RPL10: variants seen among roughly 807,000 people sequenced by gnomAD.
The protein encoded by RPL10 is ribosomal protein L10.
A neutral mutation model predicts 15.7 loss-of-function variants in RPL10; 1 was observed. The ratio of observed to expected loss-of-function variants is 0.06; its 90% CI spans 0.02 to 0.30. The LOEUF is 0.30. Ranked by LOEUF, RPL10 falls within the 10% of genes least tolerant of loss-of-function variation. The pLI, the probability that RPL10 is intolerant of heterozygous loss-of-function variation, is 1.00. For missense variants in RPL10, 54 were observed against 183.4 expected (o/e 0.29, Z 4.08); for synonymous variants, 59 against 64.0 (o/e 0.92, Z 0.37).
At chrX:154,398,462 C>T (rs905162863) in intron 1 of RPL10, 35 bp from the exon 2 acceptor site, 2 of 1,201,228 alleles carry the variant, frequency 1.7e-6, no homozygotes, top group Admixed American at 2.2e-5. Context: ...GGTCTGTTCT[C>T]GTCTTCCGTT....
chrX:154,398,964 G>A, intron 2 of RPL10: 1 of 365,141 alleles, frequency 2.7e-6, no homozygotes, highest in Non-Finnish European at 5.0e-6. Context: ...CTTGGAGGTG[G>A]ATTTAGTGCC....
chrX:154,400,033 C>T, intron 5 of RPL10, 92 bp downstream of exon 5: 5 of 1,091,532 alleles, frequency 4.6e-6, no homozygotes, highest in Non-Finnish European at 6.3e-6. Context: ...GCCCCAGTGA[C>T]TCAGCCACTA....
intron 2 of RPL10, among the ~76,000 whole-genome samples, 193 bp from the exon 3 acceptor site, chrX:154,399,145 C>G (rs926405120): frequency 8.9e-6 from 1 of 112,128 alleles, no homozygotes; most frequent in Non-Finnish European, 1.9e-5. Context: ...TGTTTCTAGT[C>G]TTGGGTGTTG....
rs1049971907 is a variant in RPL10, at chrX:154,399,267, C to T, written c.24-71C>T. 3.4e-5 allele frequency: 37 copies of T among 1,098,036 alleles called. No individual in the cohort carries two copies. In the African/African-American group the frequency reaches 4.2e-4, roughly 12 times the overall value. The allele number at this position is 1,098,036 out of a possible 1,213,427, so 90.5% of individuals were successfully genotyped here. A position where few individuals can be genotyped will look rare whatever the true frequency, so the allele number is the denominator to read the frequency against. On this transcript the variant is annotated intron_variant, in intron 2 of 6. Coordinates refer to ENST00000369817, the MANE Select transcript of RPL10 (RefSeq NM_006013.5). ...TTCCCGTCCCTCGTTTGGGTTGTTC[C>T]TTGAGGGGCAAAGTGCCTGTTGGGC...
At chrX:154,399,985 T>A in intron 5 of RPL10, 44 bp downstream of exon 5, 4 of 1,198,750 alleles carry the variant, frequency 3.3e-6, no homozygotes, top group Non-Finnish European at 4.5e-6. Flanking sequence ...AGTCTCTACA[T>A]TATTAGGCTT....
At chrX:154,400,677 C>T (rs1027057560) in intron 6 of RPL10, 25 bp from the exon 7 acceptor site, 1 of 1,211,320 alleles carries the variant, frequency 8.3e-7, no homozygotes, top group Non-Finnish European at 1.1e-6. Flanking sequence ...GGCCTCCTGA[C>T]TCAGTTCTTT....
chrX:154,398,705 A>G (rs1418132867), intron 2 of RPL10, 163 bp downstream of exon 2: 6 of 595,340 alleles, frequency 1.0e-5, no homozygotes, highest in East Asian at 3.4e-5. Context: ...TTAGTCTGCA[A>G]TATTACTGTC....
chrX:154,398,415 T>G, intron 1 of RPL10, 21 bp downstream of exon 1: 1 of 1,017,781 alleles, frequency 9.8e-7, no homozygotes, highest in South Asian at 1.9e-5. Context: ...GCAGTTGTCG[T>G]CTCTTGCGGT....
intron 2 of RPL10, among the ~76,000 whole-genome samples, chrX:154,399,118 C>T (rs1259990798): frequency 8.9e-6 from 1 of 112,351 alleles, no homozygotes; most frequent in Non-Finnish European, 1.9e-5. Context: ...GACAAAGTAA[C>T]GGAAGATGGT....
chrX:154,398,717 G>A, intron 2 of RPL10, 175 bp downstream of exon 2: 1 of 540,779 alleles, frequency 1.8e-6, no homozygotes, highest in Non-Finnish European at 3.1e-6. Flanking sequence ...ATTACTGTCT[G>A]TTCCTTCGTT....
Position 154,398,546 on chromosome X carries a change from A to C in RPL10, c.23+4A>C. 8.3e-7 allele frequency: 1 copy of C among 1,210,850 alleles called. No homozygotes were observed. Among genetic ancestry groups the C allele is most frequent in the Non-Finnish European group, 1.1e-6 (1 of 895,380 alleles). ...TGGGCCGCCGCCCCGCCCGTTGGTG[A>C]GTCTTGAATCCGTGTACTTTCACTG... On this transcript the variant is annotated splice_donor_region_variant and intron_variant, in intron 2 of 6. Transcript: ENST00000369817.
rs782282641 is a variant in RPL10 at position 154,400,941 on chromosome X, C to T, written c.*87C>T. ...TATGTCTTTGTATCTACATTCTTGA[C>T]GGGGAAGGAACTTCCTCTGGGAACC... On this transcript the variant is annotated 3_prime_UTR_variant, in exon 7 of 7. Coordinates refer to ENST00000369817, the MANE Select transcript of RPL10 (RefSeq NM_006013.5). 86 of 1,193,888 alleles carry T rather than the reference C, an allele frequency of 7.2e-5. No individual in the cohort carries two copies. The highest frequency in any genetic ancestry group is 9.1e-5 in the Non-Finnish European group (81 of 886,383).
chrX:154,398,970 G>A (rs1028528411), intron 2 of RPL10: 27 of 363,896 alleles, frequency 7.4e-5, no homozygotes, highest in African/African-American at 6.5e-4. Flanking sequence ...GGTGGATTTA[G>A]TGCCACGTGC....
rs1557185740 is a variant in RPL10 at position 154,400,444 on chromosome X, C to T, written c.330-20C>T. 2.5e-6 allele frequency: 3 copies of T among 1,197,401 alleles called. No individual in the cohort carries two copies. Among genetic ancestry groups the T allele is most frequent in the African/African-American group, 3.5e-5 (2 of 57,039 alleles). ...TCAGGTGGATGTTCATGTTTCTGAC[C>T]TTGCACTACCCCAATGTAGGCTCCA... On this transcript the variant is annotated intron_variant, in intron 5 of 6. Coordinates refer to ENST00000369817, the MANE Select transcript of RPL10 (RefSeq NM_006013.5).
At chrX:154,398,446 C>G (rs782658500) in intron 1 of RPL10, 51 bp from the exon 2 acceptor site, 1 of 1,173,752 alleles carries the variant, frequency 8.5e-7, no homozygotes, top group East Asian at 3.0e-5. Context: ...GTTCTCACAC[C>G]TTTTAGGTCT....
chrX:154,400,580 T>C lies in RPL10; in HGVS notation c.446T>C (p.Ile149Thr). The change falls in exon 6 of 7, where the codon ATT (isoleucine) becomes ACT (threonine). Residue 149 changes from isoleucine to threonine, a missense_variant. By Grantham distance (89) the Ile-to-Thr change is moderately conservative. This residue lies in a region of RPL10 where 32 missense variants were observed against 76.0 expected (regional missense o/e 0.42). Transcript: ENST00000369817. ...RTKLQNKEHVIEALRRAKFKF... is the reference protein window; with the variant it reads ...RTKLQNKEHVTEALRRAKFKF... ...AAGCTGCAGAACAAGGAGCATGTGA[T>C]TGAGGCCCTGCGCAGGGCCAAGTTC... 2 of 1,210,293 alleles carry C rather than the reference T, an allele frequency of 1.7e-6. No homozygotes were observed. Among genetic ancestry groups the C allele is most frequent in the African/African-American group, 3.5e-5 (2 of 57,613 alleles).
In RPL10 at chrX:154,398,386, T is replaced by C. The variant is rs782197580; in HGVS notation, c.-32T>C. 5 of 816,264 alleles carry C rather than the reference T, an allele frequency of 6.1e-6. No homozygotes were observed. The highest frequency in any genetic ancestry group is 2.2e-5 in the Admixed American group (1 of 45,596). 67.3% of individuals were successfully genotyped at this position (816,264 alleles called of 1,213,427 possible). On this transcript the variant is annotated 5_prime_UTR_variant, in exon 1 of 7. Coordinates refer to ENST00000369817, the MANE Select transcript of RPL10 (RefSeq NM_006013.5). Reference sequence around the variant, plus strand: ...GCAGGCGGAGGAGCGCCTCTTTCCCTTCGGTGTGGTGAGTAAGCGCAGTTG... The same window carrying C: ...GCAGGCGGAGGAGCGCCTCTTTCCCCTCGGTGTGGTGAGTAAGCGCAGTTG...
chrX:154,398,411 G>C lies in RPL10; in HGVS notation c.-24+17G>C. 1 of 993,816 alleles carries C rather than the reference G, an allele frequency of 1.0e-6. No individual in the cohort carries two copies. Among genetic ancestry groups the C allele is most frequent in the Non-Finnish European group, 1.4e-6 (1 of 699,328 alleles). The allele number at this position is 993,816 out of a possible 1,213,427, so 81.9% of individuals were successfully genotyped here. On this transcript the variant is annotated intron_variant, in intron 1 of 6. Coordinates refer to ENST00000369817, the MANE Select transcript of RPL10 (RefSeq NM_006013.5). ...TTCGGTGTGGTGAGTAAGCGCAGTT[G>C]TCGTCTCTTGCGGTGCCGTTGCTGG...
Position 154,399,040 on chromosome X carries a change from A to T in RPL10, c.24-298A>T, listed in dbSNP as rs2067968190. ...AATGATAATGCGGCGATTTTGTAGT[A>T]CGCAGTGTCTTGAAGAGAGAATTTT... is the stretch of plus-strand genomic sequence containing the variant. On this transcript the variant is annotated intron_variant, in intron 2 of 6. Coordinates refer to ENST00000369817, the MANE Select transcript of RPL10 (RefSeq NM_006013.5). 4 of 418,550 alleles carry T rather than the reference A, an allele frequency of 9.6e-6. No individual in the cohort carries two copies. The South Asian group carries it at 1.3e-4, about 14-fold the overall frequency. The allele number at this position is 418,550 out of a possible 1,213,427, so 34.5% of individuals were successfully genotyped here.
Sources: gnomAD v4.1 joint callset for allele counts (sites outside exome capture counted in the v4.1 genomes callset) on GRCh38, gnomAD v4.1.1 for gene constraint, gnomAD v4.1.1 regional missense constraint, MANE v1.5 for transcripts, NCBI Gene and HGNC (gene_info 2026-07-23, HGNC 2026-07-21) for gene names.